Variants in RYR3 observed in about 807,000 individuals in gnomAD.
RYR3 encodes the protein ryanodine receptor 3, also known as brain ryanodine receptor-calcium release channel.
In RYR3, 207 loss-of-function variants were observed where a neutral mutation model predicts 584.3. The ratio of observed to expected loss-of-function variants is 0.35; its 90% CI spans 0.32 to 0.40. The LOEUF is 0.40. Among genes scored for constraint, RYR3 ranks in the 10% least tolerant of loss-of-function variants. The probability of loss-of-function intolerance (pLI) is 1.00; values close to 1 mark genes in which losing one functional copy is unlikely to be tolerated. For synonymous variants in RYR3, 2,416 were observed against 2,248.5 expected (o/e 1.07, Z -2.11); for missense variants, 5,616 against 6,089.2 (o/e 0.92, Z 2.59).
chr15:33,675,137 C>T (rs1216328236), intron 38 of RYR3, among the ~76,000 whole-genome samples: 2 of 152,168 alleles, frequency 1.3e-5, no homozygotes, highest in African/African-American at 4.8e-5. Flanking sequence ...TAGAGTGTTA[C>T]TCTTTGTTAT....
intron 20 of RYR3, among the ~76,000 whole-genome samples, chr15:33,626,098 T>G (rs1476805746): frequency 6.6e-6 from 1 of 152,338 alleles, no homozygotes; most frequent in East Asian, 1.9e-4. Context: ...CTGTCTGGGC[T>G]GCCTCTCCTG....
intron 65 of RYR3, among the ~76,000 whole-genome samples, chr15:33,781,090 G>A (rs1221982586): frequency 6.6e-6 from 1 of 152,178 alleles, no homozygotes; most frequent in Non-Finnish European, 1.5e-5. Context: ...TACAGGAAAC[G>A]TTTTCCACCC....
intron 1 of RYR3, among the ~76,000 whole-genome samples, chr15:33,372,297 T>C (rs1447523409): frequency 6.6e-6 from 1 of 151,640 alleles, no homozygotes; most frequent in East Asian, 1.9e-4. Flanking sequence ...ATTTAAGCAA[T>C]TCTCCTGCCT....
intron 81 of RYR3, 87 bp from the exon 82 acceptor site, chr15:33,825,516 T>C (rs1158103647): frequency 4.9e-6 from 4 of 811,898 alleles, no homozygotes; most frequent in Middle Eastern, 2.3e-4. Context: ...GGGCAGGATA[T>C]GCTTAGTCGA....
chr15:33,805,685 G>A (rs958384775), intron 69 of RYR3, among the ~76,000 whole-genome samples: 4 of 151,698 alleles, frequency 2.6e-5, no homozygotes, highest in South Asian at 4.2e-4. Flanking sequence ...CACTGTGTTA[G>A]CCAGGATGGT....
chr15:33,478,351 G>A (rs2049621963), intron 2 of RYR3, among the ~76,000 whole-genome samples: 1 of 152,178 alleles, frequency 6.6e-6, no homozygotes, highest in Non-Finnish European at 1.5e-5. Context: ...AGGTGTGAGA[G>A]TCACCATGGC....
intron 45 of RYR3, among the ~76,000 whole-genome samples, chr15:33,725,975 CCAAA>C (rs2068396135): frequency 9.9e-5 from 1 of 10,058 alleles, no homozygotes; most frequent in African/African-American, 2.0e-4. Flanking sequence ...ATCCCCCCCC[CCAAA>C]AAAAAAAAAA....
Position 33,813,002 on chromosome 15 carries a change from G to T in RYR3, c.10389+8G>T. 6.2e-7 allele frequency: 1 copy of T among 1,613,950 alleles called. No homozygotes were observed. The highest frequency in any genetic ancestry group is 2.2e-5 in the East Asian group (1 of 44,880). On this transcript the variant is annotated splice_region_variant and intron_variant, in intron 73 of 103. Transcript: ENST00000634891. ...GTCTTCCACCTGGAACAGGTAAGGA[G>T]CATCTGCCCTGAGGAATGGGGAAGC...
In RYR3 at chr15:33,408,879, A is replaced by G. The variant is rs115197702; in HGVS notation, c.52-64540A>G. On this transcript the variant is annotated intron_variant, in intron 1 of 103. Transcript: ENST00000634891. ...GTTGCTTCTCCTATAGAATAGAAAA[A>G]CAAATGGATCTTTAATATTTATAGT... is the stretch of plus-strand genomic sequence containing the variant. Among the ~76,000 whole-genome samples the G allele has an allele frequency of 9.2e-3, 1,405 of 152,326 alleles. 18 individuals carry two copies. The highest frequency in any genetic ancestry group is 0.025 in the African/African-American group (1,048 of 41,576).
At chr15:33,632,555 A>T (rs1375974865) in intron 23 of RYR3, among the ~76,000 whole-genome samples, 1 of 152,056 alleles carries the variant, frequency 6.6e-6, no homozygotes, top group Non-Finnish European at 1.5e-5. Context: ...GAGACATTTG[A>T]CTCAAGGTCT....
At chr15:33,375,116 C>T (rs963617879) in intron 1 of RYR3, among the ~76,000 whole-genome samples, 7 of 152,134 alleles carry the variant, frequency 4.6e-5, no homozygotes, top group African/African-American at 1.7e-4. Context: ...TAAATTATTG[C>T]TCTCTAACTA....
At chr15:33,348,781 TA>T (rs61467091) in intron 1 of RYR3, among the ~76,000 whole-genome samples, 2,317 of 148,368 alleles carry the variant, frequency 0.016, 56 homozygotes, top group African/African-American at 0.054. Flanking sequence ...TGGCCTAATT[TA>T]AAAAAAAAAA....
intron 4 of RYR3, among the ~76,000 whole-genome samples, chr15:33,531,487 G>T (rs540457373): frequency 6.6e-6 from 1 of 151,962 alleles, no homozygotes; most frequent in Non-Finnish European, 1.5e-5. Context: ...TTTTCCTCTA[G>T]CCCTAGTGGA....
chr15:33,521,168 C>CA (rs1270030511), intron 3 of RYR3, among the ~76,000 whole-genome samples: 3 of 151,960 alleles, frequency 2.0e-5, no homozygotes, highest in Admixed American at 2.0e-4. Flanking sequence ...TTGCAGTCTC[C>CA]AACCCATCTG....
At chr15:33,826,393 G>A in intron 83 of RYR3, 124 bp downstream of exon 83, 1 of 988,182 alleles carries the variant, frequency 1.0e-6, no homozygotes, top group South Asian at 1.3e-5. Flanking sequence ...TCAGCAGTTT[G>A]GTACTTAATT....
chr15:33,825,496 G>C (rs952396036), intron 81 of RYR3, 107 bp from the exon 82 acceptor site: 1 of 692,076 alleles, frequency 1.4e-6, no homozygotes, highest in African/African-American at 1.8e-5. Flanking sequence ...GTTTATTTAC[G>C]ATAACACAGG....
intron 27 of RYR3, among the ~76,000 whole-genome samples, chr15:33,643,126 C>T (rs1295874824): frequency 6.6e-6 from 1 of 152,148 alleles, no homozygotes; most frequent in East Asian, 1.9e-4. Context: ...GATGTAAATG[C>T]TCCCAAAATT....
intron 69 of RYR3, among the ~76,000 whole-genome samples, chr15:33,803,133 T>G (rs1363807694): frequency 2.0e-5 from 3 of 152,246 alleles, no homozygotes; most frequent in Non-Finnish European, 4.4e-5. Context: ...ACACATTTCT[T>G]CCAACATATA....
rs552989330 is a variant in RYR3, at chr15:33,514,100, C to T, written c.279+10362C>T. On this transcript the variant is annotated intron_variant, in intron 3 of 103. Transcript: ENST00000634891. ...CTTACTGAAACCCGGATAGTCAATT[C>T]CCTTGCTGGTTGTGGTTATTCACCT... Among the ~76,000 whole-genome samples the T allele has an allele frequency of 9.2e-5, 14 of 152,230 alleles. No homozygotes were observed. In the South Asian group the frequency reaches 2.9e-3, roughly 32 times the overall value.
Sources: allele counts gnomAD v4.1 joint callset (sites outside exome capture counted in the v4.1 genomes callset), GRCh38; gene constraint gnomAD v4.1.1; transcripts MANE v1.5; gene names NCBI Gene and HGNC (gene_info 2026-07-23, HGNC 2026-07-21).